The following TRIM51 variants were observed in gnomAD, a reference collection of about 807,000 sequenced individuals.
TRIM51 encodes tripartite motif-containing protein 51.
Under a neutral mutation model 32.7 loss-of-function variants are expected in TRIM51, and 23 were observed. The ratio of observed to expected loss-of-function variants is 0.70; its 90% confidence interval spans 0.51 to 1.00. The LOEUF (loss-of-function observed/expected upper bound fraction) is 1.00. TRIM51 is among the 50% of genes least tolerant of loss of function. The pLI is 0.00. For missense variants in TRIM51, 592 were observed against 539.2 expected, an observed-to-expected ratio of 1.10 and a Z score of -0.97; for synonymous variants, 177 against 181.9, an observed-to-expected ratio of 0.97 and a Z score of 0.22.
chr11:55,889,342 T>C (rs1319614190), intron 5 of TRIM51, among the ~76,000 whole-genome samples: 1 of 152,170 alleles, frequency 6.6e-6, no homozygotes, highest in Non-Finnish European at 1.5e-5. Context: ...ATATTACATT[T>C]TCTACATGGC....
intron 1 of TRIM51, 64 bp downstream of exon 1, chr11:55,883,448 T>G (rs1426203525): frequency 6.6e-6 from 1 of 152,206 alleles, no homozygotes. Context: ...ATTACAGTGA[T>G]AAAAATATCT....
rs1294756038 is a variant in TRIM51, at chr11:55,884,017, A to G, written c.-5+633A>G. Among the ~76,000 whole-genome samples, 3 of 151,504 alleles carry G rather than the reference A, an allele frequency of 2.0e-5. No homozygotes were observed. The East Asian group carries it at 5.9e-4, about 30-fold the overall frequency. ...AAATATTTGCAATTCTTAAATTTTC[A>G]CTCTTGGCACTTAAATTCAGCAGTG... On this transcript the variant is annotated intron_variant, in intron 1 of 6. Coordinates refer to ENST00000449290, the MANE Select transcript of TRIM51 (RefSeq NM_032681.4).
chr11:55,889,153 T>G, intron 5 of TRIM51, 152 bp downstream of exon 5: 1 of 743,712 alleles, frequency 1.3e-6, no homozygotes, highest in Non-Finnish European at 2.3e-6. Flanking sequence ...GTCATCTATT[T>G]TGTTGCCATA....
Position 55,885,907 on chromosome 11 carries a change from C to G in TRIM51, c.411+68C>G, listed in dbSNP as rs371980384. The G allele has an allele frequency of 3.1e-4, 506 of 1,606,544 alleles. 3 individuals are homozygous for G. Among genetic ancestry groups the G allele is most frequent in the South Asian group, 2.1e-3 (188 of 90,090 alleles). On this transcript the variant is annotated intron_variant, in intron 2 of 6. Transcript: ENST00000449290. ...GAAATTCTTGTAAGTCTATTTCCTT[C>G]GAGATTGGATGATGCCATCTCTGTG...
In TRIM51 at chr11:55,889,929, T is replaced by C. The variant is rs369662392; in HGVS notation, c.762-13T>C. The C allele has an allele frequency of 2.9e-5, 46 of 1,606,060 alleles. No individual in the cohort carries two copies. Among genetic ancestry groups the C allele is most frequent in the Non-Finnish European group, 2.7e-5 (32 of 1,173,536 alleles). Reference sequence around the variant, plus strand: ...TGGCTGTAGATGTGATAACCCTATCTTTCCCCTTGCAGGTATGAGTCTCTG... The same window carrying C: ...TGGCTGTAGATGTGATAACCCTATCCTTCCCCTTGCAGGTATGAGTCTCTG... On this transcript the variant is annotated splice_polypyrimidine_tract_variant and intron_variant, in intron 5 of 6. Coordinates refer to ENST00000449290, the MANE Select transcript of TRIM51 (RefSeq NM_032681.4).
intron 3 of TRIM51, 93 bp from the exon 4 acceptor site, chr11:55,887,939 T>G: frequency 1.1e-6 from 1 of 943,676 alleles, no homozygotes; most frequent in East Asian, 2.6e-5. Context: ...GATTGAGGAT[T>G]AAAATATTGG....
chr11:55,889,924 C>G lies in TRIM51; in HGVS notation c.762-18C>G, dbSNP rs1292767749. ...TTTTTTGGCTGTAGATGTGATAACC[C>G]TATCTTTCCCCTTGCAGGTATGAGT... is the stretch of plus-strand genomic sequence containing the variant. On this transcript the variant is annotated intron_variant, in intron 5 of 6. Transcript: ENST00000449290. The G allele has an allele frequency of 2.5e-6, 4 of 1,599,916 alleles. No homozygotes were observed. Among genetic ancestry groups the G allele is most frequent in the East Asian group, 2.2e-5 (1 of 44,788 alleles).
At chr11:55,890,850 T>C (rs1776243453) in intron 6 of TRIM51, among the ~76,000 whole-genome samples, 1 of 152,176 alleles carries the variant, frequency 6.6e-6, no homozygotes, top group South Asian at 2.1e-4. Flanking sequence ...CATAAAATAA[T>C]TCATTTTTAC....
chr11:55,885,725 AAAG>A lies in TRIM51; in HGVS notation c.302_304del (p.Lys101del), dbSNP rs770010416. On this transcript the variant is annotated inframe_deletion, in exon 2 of 7. Coordinates refer to ENST00000449290, the MANE Select transcript of TRIM51 (RefSeq NM_032681.4). ...AAATATGTGGGATGCACAGAGAGAC[AAAG>A]AAGATGTTCTGTGAAGTGGACAAGA... is the stretch of plus-strand genomic sequence containing the variant. 6.2e-7 allele frequency: 1 copy of A among 1,611,768 alleles called. No homozygotes were observed. The highest frequency in any genetic ancestry group is 8.5e-7 in the Non-Finnish European group (1 of 1,179,720).
In TRIM51 at chr11:55,885,709, G is replaced by A; in HGVS notation, c.281G>A (p.Gly94Glu). Residue 94 changes from glycine to glutamate, a missense_variant, in exon 2 of 7, where the codon GGG becomes GAG. Coordinates refer to ENST00000449290, the MANE Select transcript of TRIM51 (RefSeq NM_032681.4). ...CTTAGCTCTGAGGAGCAAATATGTGGGATGCACAGAGAGACAAAGAAGATG... is the reference window on the plus strand; with the variant it reads ...CTTAGCTCTGAGGAGCAAATATGTGAGATGCACAGAGAGACAAAGAAGATG... ...QFLSSEEQICGMHRETKKMFC... is the reference protein window; with the variant it reads ...QFLSSEEQICEMHRETKKMFC... 1.2e-6 allele frequency: 2 copies of A among 1,611,604 alleles called. No homozygotes were observed. Among genetic ancestry groups the A allele is most frequent in the Non-Finnish European group, 8.5e-7 (1 of 1,179,682 alleles).
intron 3 of TRIM51, among the ~76,000 whole-genome samples, chr11:55,887,060 A>C (rs1408359160): frequency 6.6e-6 from 1 of 152,066 alleles, no homozygotes; most frequent in Admixed American, 6.6e-5. Context: ...TATGTGAAGT[A>C]CATGATGTGT....
Position 55,891,160 on chromosome 11 carries a change from C to A in TRIM51, c.887C>A (p.Ala296Asp), listed in dbSNP as rs776827717. The change falls in exon 7 of 7, where the codon GCC becomes GAC. Residue 296 changes from alanine to aspartate, a missense_variant. By Grantham distance (126) the Ala-to-Asp change is moderately radical. Coordinates refer to ENST00000449290, the MANE Select transcript of TRIM51 (RefSeq NM_032681.4). ...RVDFTLQPER[A>D]NSHIFLCGDL... ...GATTTTACTCTGCAGCCTGAAAGAG[C>A]CAATAGTCATATCTTCCTGTGTGGA... is the stretch of plus-strand genomic sequence containing the variant. 24 of 1,600,812 alleles carry A rather than the reference C, an allele frequency of 1.5e-5. No homozygotes were observed. Among genetic ancestry groups the A allele is most frequent in the African/African-American group, 2.7e-5 (2 of 74,842 alleles).
intron 3 of TRIM51, among the ~76,000 whole-genome samples, chr11:55,887,026 A>G (rs1239749026): frequency 6.6e-6 from 1 of 152,100 alleles, no homozygotes; most frequent in Non-Finnish European, 1.5e-5. Flanking sequence ...TGGAAATGAG[A>G]AAAGCAAATG....
rs1854604411 is a variant in TRIM51 at position 55,888,348 on chromosome 11, C to T, written c.738+86C>T. 56 of 1,016,148 alleles carry T rather than the reference C, an allele frequency of 5.5e-5. 1 individual carries two copies. In the South Asian group the frequency reaches 7.4e-4, roughly 13 times the overall value. The allele number at this position is 1,016,148 out of a possible 1,614,324, so 62.9% of individuals were successfully genotyped here. A position where few individuals can be genotyped will look rare whatever the true frequency, so the allele number is the denominator to read the frequency against. ...CTCTCCTGAACTCCGTCTCCCCCTT[C>T]ACTTCCATTATTTGTTTCCAAAAAC... On this transcript the variant is annotated intron_variant, in intron 4 of 6. Coordinates refer to ENST00000449290, the MANE Select transcript of TRIM51 (RefSeq NM_032681.4).
intron 6 of TRIM51, among the ~76,000 whole-genome samples, chr11:55,890,891 T>C (rs1244456311): frequency 1.3e-5 from 2 of 152,202 alleles, no homozygotes; most frequent in African/African-American, 4.8e-5. Context: ...AGGCTGGTCT[T>C]ATATTCGACT....
chr11:55,891,753 C>A lies in TRIM51; in HGVS notation c.*121C>A. 6.2e-6 allele frequency: 7 copies of A among 1,122,194 alleles called. No homozygotes were observed. The highest frequency in any genetic ancestry group is 7.6e-6 in the Non-Finnish European group (6 of 785,582). The allele number at this position is 1,122,194 out of a possible 1,614,324, so 69.5% of individuals were successfully genotyped here. On this transcript the variant is annotated 3_prime_UTR_variant, in exon 7 of 7. Transcript: ENST00000449290. ...TATATTTAATGTCTTTAGTTGCATT[C>A]TAATGTCATCAAAACTCATTTATAG... is the stretch of plus-strand genomic sequence containing the variant.
chr11:55,888,975 A>G lies in TRIM51; in HGVS notation c.739-4A>G. 1 of 1,594,686 alleles carries G rather than the reference A, an allele frequency of 6.3e-7. No homozygotes were observed. Among genetic ancestry groups the G allele is most frequent in the Non-Finnish European group, 8.5e-7 (1 of 1,170,338 alleles). On this transcript the variant is annotated splice_region_variant and splice_polypyrimidine_tract_variant and intron_variant, in intron 4 of 6. Transcript: ENST00000449290. ...TAAGCCTTTCTATTTTTTTTTTTTT[A>G]CAGGCTTTTGGAGACATATTACACA...
Position 55,889,960 on chromosome 11 carries a change from G to T in TRIM51, c.780G>T (p.Leu260=). 1.2e-5 allele frequency: 19 copies of T among 1,613,228 alleles called. No homozygotes were observed. Among genetic ancestry groups the T allele is most frequent in the Non-Finnish European group, 1.6e-5 (19 of 1,179,498 alleles). ...DILHRYESLL[L]QVSEPVNPEL... Reference sequence around the variant, plus strand: ...CTTGCAGGTATGAGTCTCTGCTGCTGCAAGTGTCTGAGCCTGTGAATCCAG... The same window carrying T: ...CTTGCAGGTATGAGTCTCTGCTGCTTCAAGTGTCTGAGCCTGTGAATCCAG... Residue 260 remains leucine (L), a synonymous_variant, in exon 6 of 7, where the codon CTG becomes CTT. Transcript: ENST00000449290.
rs35149540 is a variant in TRIM51 at position 55,891,671 on chromosome 11, A to T, written c.*39A>T. ...AGAAATGTGCCTGTATGCTCTGGGAACCTGTTTATCCCAGAAAGCCCTCTT... is the reference window on the plus strand; with the variant it reads ...AGAAATGTGCCTGTATGCTCTGGGATCCTGTTTATCCCAGAAAGCCCTCTT... On this transcript the variant is annotated 3_prime_UTR_variant, in exon 7 of 7. Coordinates refer to ENST00000449290, the MANE Select transcript of TRIM51 (RefSeq NM_032681.4). 133,276 of 1,607,560 alleles carry T rather than the reference A, an allele frequency of 0.083. 5,768 individuals are homozygous for T. Among genetic ancestry groups the T allele is most frequent in the African/African-American group, 0.12 (9,064 of 74,594 alleles).
Sources: gnomAD v4.1 joint callset for allele counts (sites outside exome capture counted in the v4.1 genomes callset) on GRCh38, gnomAD v4.1.1 for gene constraint, MANE v1.5 for transcripts, NCBI Gene and HGNC (gene_info 2026-07-23, HGNC 2026-07-21) for gene names.